Variants in BCL2 observed in about 807,000 individuals in gnomAD.
BCL2 encodes the protein apoptosis regulator Bcl-2.
BCL2 carries 1 observed loss-of-function variant against 14.2 expected under a neutral mutation model. The observed-to-expected ratio is 0.07, with a 90% CI of 0.02 to 0.33. The LOEUF is 0.33. Among genes scored for constraint, BCL2 ranks in the 10% least tolerant of loss-of-function variants. The probability of loss-of-function intolerance (pLI) is 0.99; values close to 1 mark genes in which losing one functional copy is unlikely to be tolerated. For synonymous variants in BCL2, 151 were observed against 137.2 expected (o/e 1.10, Z -0.70); for missense variants, 247 against 305.9 (o/e 0.81, Z 1.44).
intron 2 of BCL2, chr18:63,316,273 T>C (rs749458348): frequency 2.0e-5 from 3 of 152,204 alleles, no homozygotes; most frequent in Non-Finnish European, 2.9e-5. Context: ...TATTAACTTA[T>C]TTGATAGACA....
At chr18:63,172,366 T>C (rs944806450) in intron 2 of BCL2, among the ~76,000 whole-genome samples, 1 of 152,362 alleles carries the variant, frequency 6.6e-6, no homozygotes. Context: ...ACCCTGATGC[T>C]GCTTGGTCCT....
At chr18:63,150,632 A>G (rs1475979144) in intron 2 of BCL2, among the ~76,000 whole-genome samples, 1 of 152,140 alleles carries the variant, frequency 6.6e-6, no homozygotes, top group African/African-American at 2.4e-5. Flanking sequence ...AACATGCCAC[A>G]AGTTCTAGAA....
At chr18:63,200,069 TTTTG>T (rs1285712455) in intron 2 of BCL2, among the ~76,000 whole-genome samples, 1 of 152,194 alleles carries the variant, frequency 6.6e-6, no homozygotes, top group Non-Finnish European at 1.5e-5. Context: ...CATGTTCCTG[TTTTG>T]TTTGTTTGGG....
intron 2 of BCL2, among the ~76,000 whole-genome samples, chr18:63,175,802 A>G (rs1915336900): frequency 6.6e-6 from 1 of 152,178 alleles, no homozygotes. Context: ...ATCTATTTAG[A>G]CACCTTCTTA....
intron 2 of BCL2, among the ~76,000 whole-genome samples, chr18:63,287,243 GA>G (rs1183964460): frequency 6.6e-6 from 1 of 152,136 alleles, no homozygotes; most frequent in African/African-American, 2.4e-5. Context: ...GAAAGTATTA[GA>G]ATTCTGTATG....
intron 2 of BCL2, chr18:63,302,482 C>T (rs1392379278): frequency 1.0e-6 from 1 of 985,176 alleles, no homozygotes; most frequent in African/African-American, 1.7e-5. Context: ...TTTTGGCTTC[C>T]TTATGAAATA....
chr18:63,278,624 C>T (rs889513895), intron 2 of BCL2, among the ~76,000 whole-genome samples: 1 of 152,120 alleles, frequency 6.6e-6, no homozygotes, highest in African/African-American at 2.4e-5. Flanking sequence ...ACTATAAATC[C>T]CCTCTTGTCC....
At chr18:63,170,157 A>T (rs542631387) in intron 2 of BCL2, among the ~76,000 whole-genome samples, 13 of 152,274 alleles carry the variant, frequency 8.5e-5, no homozygotes, top group Non-Finnish European at 1.6e-4. Flanking sequence ...AATGGGGCTA[A>T]TGATAGTGCA....
chr18:63,214,101 G>A (rs1223681552), intron 2 of BCL2, among the ~76,000 whole-genome samples: 4 of 152,200 alleles, frequency 2.6e-5, no homozygotes, highest in Non-Finnish European at 5.9e-5. Flanking sequence ...TGGCTGTGAT[G>A]CCCAAGCCTT....
At chr18:63,241,302 C>T (rs1234213051) in intron 2 of BCL2, among the ~76,000 whole-genome samples, 1 of 152,152 alleles carries the variant, frequency 6.6e-6, no homozygotes, top group Non-Finnish European at 1.5e-5. Flanking sequence ...TGTTTTGGAA[C>T]TCTATAGCAA....
chr18:63,172,039 T>C (rs1468448606), intron 2 of BCL2, among the ~76,000 whole-genome samples: 1 of 152,200 alleles, frequency 6.6e-6, no homozygotes, highest in Non-Finnish European at 1.5e-5. Context: ...CAAATACATT[T>C]GTTATATATC....
chr18:63,291,481 C>G (rs1360191517), intron 2 of BCL2, among the ~76,000 whole-genome samples: 1 of 152,208 alleles, frequency 6.6e-6, no homozygotes, highest in Non-Finnish European at 1.5e-5. Flanking sequence ...AACAGGTCAT[C>G]ATTTGCACTA....
intron 2 of BCL2, chr18:63,151,029 T>C (rs909823374): frequency 6.6e-6 from 1 of 152,156 alleles, no homozygotes; most frequent in Non-Finnish European, 1.5e-5. Context: ...TGAAGTCATC[T>C]TGATCTCCTC....
Position 63,149,387 on chromosome 18 carries a change from A to G in BCL2, c.586-20628T>C, listed in dbSNP as rs1255167950. On this transcript the variant is annotated intron_variant, in intron 2 of 2. Transcript: ENST00000333681. This position sits in a 1 kb window ranked among gnomAD's most constrained non-coding sequence, Gnocchi z 4.2. Reference sequence around the variant, plus strand: ...CGGAGCTCAGGCAGTGATGCTCGCCAGCTGCTCACCTCCTGCTGTGCGGCC... The same window carrying G: ...CGGAGCTCAGGCAGTGATGCTCGCCGGCTGCTCACCTCCTGCTGTGCGGCC... Among the ~76,000 whole-genome samples the G allele has an allele frequency of 6.6e-6, 1 of 152,216 alleles. No individual in the cohort carries two copies. Among genetic ancestry groups the G allele is most frequent in the East Asian group, 1.9e-4 (1 of 5,196 alleles).
At chr18:63,255,464 C>A (rs1911444237) in intron 2 of BCL2, among the ~76,000 whole-genome samples, 1 of 152,168 alleles carries the variant, frequency 6.6e-6, no homozygotes, top group Admixed American at 6.5e-5. Flanking sequence ...AATTGGAAAG[C>A]CGTATCTGAT....
At chr18:63,159,317 T>C (rs954145173) in intron 2 of BCL2, among the ~76,000 whole-genome samples, 1 of 152,228 alleles carries the variant, frequency 6.6e-6, no homozygotes, top group Non-Finnish European at 1.5e-5. Context: ...GAAGCGTACC[T>C]TCGCCTCCAC....
At chr18:63,210,541 T>C (rs1337115484) in intron 2 of BCL2, among the ~76,000 whole-genome samples, 2 of 152,198 alleles carry the variant, frequency 1.3e-5, no homozygotes, top group Non-Finnish European at 2.9e-5. Flanking sequence ...TATCCACATG[T>C]CTATGAGCAC....
At position 63,312,700 on chromosome 18, in the gene BCL2, G is replaced by A. The variant is rs191519209; in HGVS notation, c.585+5382C>T. On this transcript the variant is annotated intron_variant, in intron 2 of 2. Coordinates refer to ENST00000333681, the MANE Select transcript of BCL2 (RefSeq NM_000633.3). ...CTTTTTTTTCCCCTGCTCAAAGGAA[G>A]AGCCCCCGCTCTGGTTCAAAACCTA... 7.0e-4 allele frequency among the ~76,000 whole-genome samples: 107 copies of A among 152,290 alleles called. 1 individual carries two copies. The highest frequency in any genetic ancestry group is 2.3e-3 in the African/African-American group (94 of 41,572).
rs143279425 is a variant in BCL2 at position 63,273,639 on chromosome 18, A to G, written c.585+44443T>C. 3.2e-3 allele frequency among the ~76,000 whole-genome samples: 487 copies of G among 152,298 alleles called. 6 individuals carry two copies. Among genetic ancestry groups the G allele is most frequent in the African/African-American group, 0.011 (472 of 41,554 alleles). On this transcript the variant is annotated intron_variant, in intron 2 of 2. Coordinates refer to ENST00000333681, the MANE Select transcript of BCL2 (RefSeq NM_000633.3). ...TCTTTGGACCTCATTTTTCGTGTCT[A>G]TGAAATGAGAGAGTTGAACCTAGCG...
Sources: allele counts gnomAD v4.1 joint callset (sites outside exome capture counted in the v4.1 genomes callset), GRCh38; gene constraint gnomAD v4.1.1; non-coding constraint Gnocchi (gnomAD v3.1); transcripts MANE v1.5; gene names NCBI Gene and HGNC (gene_info 2026-07-23, HGNC 2026-07-21).